VGLL4: variants seen among roughly 807,000 people sequenced by gnomAD.
The protein encoded by VGLL4 is vestigial like family member 4.
A neutral mutation model predicts 21.0 loss-of-function variants in VGLL4; 7 were observed. The observed-to-expected ratio is 0.33, with a 90% CI of 0.19 to 0.63. The LOEUF is 0.63. Ranked by LOEUF, VGLL4 falls within the 20% of genes least tolerant of loss-of-function variation. VGLL4 has a pLI of 0.78. For synonymous variants in VGLL4, 222 were observed against 173.2 expected (o/e 1.28, Z -2.21); for missense variants, 394 against 425.7 (o/e 0.93, Z 0.66).
chr3:11,629,776 G>A (rs1348798942), intron 1 of VGLL4, among the ~76,000 whole-genome samples: 1 of 148,778 alleles, frequency 6.7e-6, no homozygotes, highest in Non-Finnish European at 1.5e-5. Flanking sequence ...AAGAATCCAC[G>A]TAGCTGGAAA....
At chr3:11,691,128 G>A (rs1413348181) in intron 2 of VGLL4, among the ~76,000 whole-genome samples, 1 of 151,548 alleles carries the variant, frequency 6.6e-6, no homozygotes, top group Non-Finnish European at 1.5e-5. Flanking sequence ...CACAAGTATG[G>A]TGAGGGAGGG....
Position 11,558,583 on chromosome 3 carries a change from G to C in VGLL4, c.864C>G (p.His288Gln). The change falls in exon 5 of 5, where the codon CAC (histidine) becomes CAG (glutamine). Residue 288 changes from histidine to glutamine, a missense_variant. His to Gln is a conservative substitution (Grantham distance 24). Transcript: ENST00000430365. Reference protein sequence around the residue: ...PASPSAHMVSHSHSPSVVS With the variant: ...PASPSAHMVSQSHSPSVVS ...AGGAGACCACAGAGGGGGAGTGACT[G>C]TGGCTGACCATGTGGGCAGAGGGGC... The C allele has an allele frequency of 6.2e-7, 1 of 1,603,738 alleles. No homozygotes were observed. Among genetic ancestry groups the C allele is most frequent in the East Asian group, 2.2e-5 (1 of 44,820 alleles).
At chr3:11,660,192 A>G (rs938221717) in intron 2 of VGLL4, among the ~76,000 whole-genome samples, 19 of 152,124 alleles carry the variant, frequency 1.2e-4, no homozygotes, top group Admixed American at 7.2e-4. Context: ...CCATCCTGCC[A>G]GCCAGCAGTT....
At chr3:11,710,646 G>A (rs1202685789) in intron 1 of VGLL4, 1 of 152,170 alleles carries the variant, frequency 6.6e-6, no homozygotes, top group African/African-American at 2.4e-5. Flanking sequence ...CCTAATTCCT[G>A]TTGGCCCTGT....
intron 2 of VGLL4, among the ~76,000 whole-genome samples, chr3:11,574,783 ATATGTGTGTGTGTGTG>A (rs1285050630): frequency 1.5e-3 from 163 of 111,852 alleles, no homozygotes; most frequent in African/African-American, 4.9e-3. Flanking sequence ...ATTCAACTAT[ATATGTGTGTGTGTGTG>A]TGTGTGTGTG....
intron 2 of VGLL4, among the ~76,000 whole-genome samples, chr3:11,678,156 G>C (rs1375801606): frequency 6.6e-6 from 1 of 152,118 alleles, no homozygotes; most frequent in Non-Finnish European, 1.5e-5. Context: ...CTGGGTTCAA[G>C]TGATTCTGGT....
intron 2 of VGLL4, among the ~76,000 whole-genome samples, chr3:11,696,158 C>T (rs2076603711): frequency 1.3e-5 from 2 of 152,130 alleles, no homozygotes; most frequent in Admixed American, 6.5e-5. Flanking sequence ...TAAGGGAAAA[C>T]CAGACTCAAC....
At chr3:11,717,490 A>ATTT (rs60921966) in intron 1 of VGLL4, among the ~76,000 whole-genome samples, 754 of 72,934 alleles carry the variant, frequency 0.01, 34 homozygotes, top group African/African-American at 0.014. Flanking sequence ...CCCACTACAG[A>ATTT]TTTTTTTTTT....
intron 2 of VGLL4, among the ~76,000 whole-genome samples, chr3:11,588,814 G>A (rs908432381): frequency 1.2e-4 from 18 of 152,206 alleles, no homozygotes; most frequent in African/African-American, 3.4e-4. Flanking sequence ...CCAGTGAGGC[G>A]GTGCTGAATT....
At chr3:11,593,918 A>C (rs906814282) in intron 2 of VGLL4, among the ~76,000 whole-genome samples, 1 of 152,196 alleles carries the variant, frequency 6.6e-6, no homozygotes, top group African/African-American at 2.4e-5. Flanking sequence ...GATGGAGCAC[A>C]AGGCTAGTGA....
At chr3:11,681,594 G>A (rs2125381289) in intron 2 of VGLL4, among the ~76,000 whole-genome samples, 2 of 152,076 alleles carry the variant, frequency 1.3e-5, no homozygotes, top group East Asian at 1.9e-4. Flanking sequence ...AATCTCAGAA[G>A]AAAAAACATG....
Position 11,559,472 on chromosome 3 carries a change from T to G in VGLL4, c.496-17A>C, listed in dbSNP as rs771248341. 1.3e-5 allele frequency: 20 copies of G among 1,542,606 alleles called. No individual in the cohort carries two copies. The highest frequency in any genetic ancestry group is 1.7e-5 in the Non-Finnish European group (20 of 1,143,976). ...GGGCCGGTTCTGCGGGGAGGAGGGG[T>G]GTCAGTATGTGGAGACCAGCTTCAG... is the stretch of plus-strand genomic sequence containing the variant. On this transcript the variant is annotated splice_polypyrimidine_tract_variant and intron_variant, in intron 3 of 4. Coordinates refer to ENST00000430365, the MANE Select transcript of VGLL4 (RefSeq NM_001128219.3).
At chr3:11,576,557 C>T (rs2074051494) in intron 2 of VGLL4, among the ~76,000 whole-genome samples, 1 of 152,222 alleles carries the variant, frequency 6.6e-6, no homozygotes, top group Admixed American at 6.5e-5. Context: ...TGCACAGCAG[C>T]AGAGGCATCA....
chr3:11,558,452 C>CT lies in VGLL4; in HGVS notation c.*103dup. 26 of 1,355,780 alleles carry CT rather than the reference C, an allele frequency of 1.9e-5. No individual in the cohort carries two copies. The highest frequency in any genetic ancestry group is 2.1e-4 in the Middle Eastern group (1 of 4,750). The allele number at this position is 1,355,780 out of a possible 1,614,324, so 84.0% of individuals were successfully genotyped here. ...TTTTTGCAAATAAACCATCCCTTCC[C>CT]TTCCCCCCACCCCACCCCCATGATT... On this transcript the variant is annotated 3_prime_UTR_variant, in exon 5 of 5. Coordinates refer to ENST00000430365, the MANE Select transcript of VGLL4 (RefSeq NM_001128219.3).
chr3:11,645,062 T>C (rs1293641057), upstream of VGLL4, among the ~76,000 whole-genome samples: 1 of 151,978 alleles, frequency 6.6e-6, no homozygotes, highest in Non-Finnish European at 1.5e-5. Context: ...TTGGAAGAAC[T>C]TGGGGCTTAA....
chr3:11,705,516 ATCT>A (rs1463512304), intron 1 of VGLL4, among the ~76,000 whole-genome samples: 1 of 152,236 alleles, frequency 6.6e-6, no homozygotes, highest in South Asian at 2.1e-4. Flanking sequence ...CACATTCCTG[ATCT>A]TCTTTGTAAA....
In VGLL4 at chr3:11,558,442, C is replaced by A; in HGVS notation, c.*114G>T. 1.4e-6 allele frequency: 2 copies of A among 1,408,732 alleles called. No homozygotes were observed. The highest frequency in any genetic ancestry group is 1.9e-6 in the Non-Finnish European group (2 of 1,068,068). 87.3% of individuals were successfully genotyped at this position (1,408,732 alleles called of 1,614,324 possible). On this transcript the variant is annotated 3_prime_UTR_variant, in exon 5 of 5. Transcript: ENST00000430365. Reference sequence around the variant, plus strand: ...AACAACATGGTTTTTGCAAATAAACCATCCCTTCCCTTCCCCCCACCCCAC... The same window carrying A: ...AACAACATGGTTTTTGCAAATAAACAATCCCTTCCCTTCCCCCCACCCCAC...
intron 2 of VGLL4, among the ~76,000 whole-genome samples, chr3:11,588,297 C>A (rs1485600290): frequency 6.6e-6 from 1 of 152,202 alleles, no homozygotes; most frequent in Non-Finnish European, 1.5e-5. Flanking sequence ...CAGCTGGACA[C>A]CCAACTGTAG....
intron 2 of VGLL4, among the ~76,000 whole-genome samples, chr3:11,587,869 G>T (rs1203033391): frequency 6.6e-6 from 1 of 152,232 alleles, no homozygotes; most frequent in Non-Finnish European, 1.5e-5. Context: ...CTTACTGAGA[G>T]TCAACACCGG....
Sources: allele counts gnomAD v4.1 joint callset (sites outside exome capture counted in the v4.1 genomes callset), GRCh38; gene constraint gnomAD v4.1.1; transcripts MANE v1.5; gene names NCBI Gene and HGNC (gene_info 2026-07-23, HGNC 2026-07-21).